CPNE9: variants seen among roughly 807,000 people sequenced by gnomAD.
CPNE9 encodes the protein copine-9.
A neutral mutation model predicts 83.0 loss-of-function variants in CPNE9; 59 were observed. The observed-to-expected ratio is 0.71, with a 90% CI of 0.58 to 0.88. The LOEUF is 0.88. CPNE9 is among the 40% of genes least tolerant of loss of function. CPNE9 has a pLI of 0.00. For missense variants in CPNE9, 619 were observed against 720.8 expected (o/e 0.86, Z 1.62); for synonymous variants, 256 against 273.4 (o/e 0.94, Z 0.63).
Position 9,712,751 on chromosome 3 carries a change from A to T in CPNE9, c.468A>T (p.Ala156=). Residue 156 remains alanine (A), a synonymous_variant, in exon 9 of 21, where the codon GCA becomes GCT. Transcript: ENST00000383832. ...CRDIATMQLC[A]NKLDKKDFFG... The stretch of plus-strand genomic sequence containing the variant: ...ACATTGCCACCATGCAGCTGTGTGC[A>T]AACAAGCTGGACAAGAAGGACTTCT... 6.2e-7 allele frequency: 1 copy of T among 1,614,180 alleles called. No individual in the cohort carries two copies. Among genetic ancestry groups the T allele is most frequent in the Non-Finnish European group, 8.5e-7 (1 of 1,180,024 alleles).
chr3:9,724,475 C>A (rs943400779), intron 17 of CPNE9, among the ~76,000 whole-genome samples: 8 of 152,192 alleles, frequency 5.3e-5, no homozygotes, highest in Non-Finnish European at 1.2e-4. Flanking sequence ...ACATCAAAAT[C>A]TTGCCAGGGG....
intron 14 of CPNE9, among the ~76,000 whole-genome samples, chr3:9,716,449 C>A (rs757024791): frequency 6.6e-6 from 1 of 151,356 alleles, no homozygotes; most frequent in Non-Finnish European, 1.5e-5. Flanking sequence ...CTCTGAACTT[C>A]ACTTTTCTCC....
chr3:9,723,201 G>T (rs2076748844), intron 17 of CPNE9, among the ~76,000 whole-genome samples: 1 of 152,240 alleles, frequency 6.6e-6, no homozygotes, highest in Admixed American at 6.5e-5. Flanking sequence ...GCTGGCCACA[G>T]TGGCTCATGC....
chr3:9,712,861 G>C, intron 9 of CPNE9, 33 bp downstream of exon 9: 1 of 1,594,016 alleles, frequency 6.3e-7, no homozygotes, highest in Non-Finnish European at 8.6e-7. Context: ...GTTAGGCTGG[G>C]GTGGGCCATG....
At chr3:9,712,095 G>C (rs1328511683) in intron 7 of CPNE9, among the ~76,000 whole-genome samples, 1 of 152,162 alleles carries the variant, frequency 6.6e-6, no homozygotes, top group Non-Finnish European at 1.5e-5. Context: ...AAGAACCAGA[G>C]TCAGCTTTGA....
intron 7 of CPNE9, among the ~76,000 whole-genome samples, chr3:9,711,266 G>A (rs2076624229): frequency 6.6e-6 from 1 of 152,108 alleles, no homozygotes; most frequent in Non-Finnish European, 1.5e-5. Context: ...GCAAGGGCTT[G>A]ATCTCAGCTC....
chr3:9,714,187 T>C (rs1490720561), intron 10 of CPNE9, among the ~76,000 whole-genome samples: 2 of 152,144 alleles, frequency 1.3e-5, no homozygotes, highest in Admixed American at 6.5e-5. Flanking sequence ...GATAACCAGA[T>C]GGATAGATGT....
chr3:9,705,429 A>G, intron 4 of CPNE9, 35 bp from the exon 5 acceptor site: 1 of 286,644 alleles, frequency 3.5e-6, no homozygotes, highest in Non-Finnish European at 5.9e-6. Context: ...TCCCCCACCC[A>G]GCCCCACCCC....
intron 20 of CPNE9, among the ~76,000 whole-genome samples, chr3:9,728,199 G>A (rs953187581): frequency 3.3e-5 from 5 of 152,194 alleles, no homozygotes. Context: ...AAAGAGGTCA[G>A]GGATGGGCCC....
chr3:9,707,328 G>A (rs1178288048), intron 7 of CPNE9, among the ~76,000 whole-genome samples: 2 of 140,202 alleles, frequency 1.4e-5, no homozygotes, highest in East Asian at 4.1e-4. Flanking sequence ...ACTCCAGCCT[G>A]GGCAACAGAG....
intron 7 of CPNE9, among the ~76,000 whole-genome samples, chr3:9,708,574 T>G (rs1485556658): frequency 6.6e-6 from 1 of 152,228 alleles, no homozygotes; most frequent in Non-Finnish European, 1.5e-5. Flanking sequence ...CCCTGTTGAC[T>G]CTTAAGCACA....
chr3:9,707,791 CAAA>C (rs57310594), intron 7 of CPNE9, among the ~76,000 whole-genome samples: 1 of 49,670 alleles, frequency 2.0e-5, no homozygotes, highest in Non-Finnish European at 3.7e-5. Flanking sequence ...ACAAAAAAGA[CAAA>C]AAAAAAAAAA....
Position 9,707,622 on chromosome 3 carries a change from G to GA in CPNE9, c.377+1566dup, listed in dbSNP as rs533167775. On this transcript the variant is annotated intron_variant, in intron 7 of 20. Coordinates refer to ENST00000383832, the MANE Select transcript of CPNE9 (RefSeq NM_153635.3). Reference sequence around the variant, plus strand: ...AATTGACACAAACTGAGATAGTAGGGAAAAAAACAAAGGAAAGCCAGGCAT... The same window carrying GA: ...AATTGACACAAACTGAGATAGTAGGGAAAAAAAACAAAGGAAAGCCAGGCAT... 6.1e-3 allele frequency among the ~76,000 whole-genome samples: 913 copies of GA among 149,490 alleles called. 6 individuals carry two copies. The highest frequency in any genetic ancestry group is 9.2e-3 in the Non-Finnish European group (622 of 67,298).
intron 10 of CPNE9, 28 bp downstream of exon 10, chr3:9,713,107 A>G (rs767764845): frequency 2.0e-6 from 3 of 1,536,092 alleles, no homozygotes; most frequent in Non-Finnish European, 2.7e-6. Flanking sequence ...CTGGGGAGTA[A>G]GGAGCCAAGG....
At chr3:9,724,599 C>T (rs2076761137) in intron 17 of CPNE9, among the ~76,000 whole-genome samples, 1 of 152,206 alleles carries the variant, frequency 6.6e-6, no homozygotes, top group African/African-American at 2.4e-5. Context: ...CCCACTATAG[C>T]GCCTTTTTCC....
chr3:9,713,505 G>A (rs551950182), intron 10 of CPNE9, among the ~76,000 whole-genome samples: 139 of 152,254 alleles, frequency 9.1e-4, no homozygotes, highest in Admixed American at 2.7e-3. Context: ...GGATATACAG[G>A]TGATGGGTGA....
At chr3:9,717,702 A>G (rs982238649) in intron 15 of CPNE9, among the ~76,000 whole-genome samples, 2 of 152,128 alleles carry the variant, frequency 1.3e-5, no homozygotes, top group African/African-American at 4.8e-5. Flanking sequence ...GGACTGATGG[A>G]TGGATGAGTG....
At chr3:9,727,877 C>T (rs1158501322) in intron 20 of CPNE9, among the ~76,000 whole-genome samples, 1 of 151,850 alleles carries the variant, frequency 6.6e-6, no homozygotes, top group Non-Finnish European at 1.5e-5. Context: ...AGAGGGGAGG[C>T]GATAAAGATC....
intron 17 of CPNE9, among the ~76,000 whole-genome samples, chr3:9,720,483 A>G (rs1198320475): frequency 6.6e-6 from 1 of 152,194 alleles, no homozygotes; most frequent in Non-Finnish European, 1.5e-5. Context: ...TTCATCACTC[A>G]GGTATTAATT....
Sources: allele counts gnomAD v4.1 joint callset (sites outside exome capture counted in the v4.1 genomes callset), GRCh38; gene constraint gnomAD v4.1.1; transcripts MANE v1.5; gene names NCBI Gene and HGNC (gene_info 2026-07-23, HGNC 2026-07-21).